Variants in UNC5C observed in about 807,000 individuals in gnomAD.
UNC5C encodes unc-5 netrin receptor C.
Under a neutral mutation model 99.8 loss-of-function variants are expected in UNC5C, and 47 were observed. That is an observed-to-expected ratio of 0.47 (90% confidence interval 0.37 to 0.60). The LOEUF (loss-of-function observed/expected upper bound fraction) is 0.60. UNC5C is among the 20% of genes least tolerant of loss of function. The pLI is 0.00. For missense variants in UNC5C, 1,062 were observed against 1,165.9 expected (o/e 0.91, Z 1.30); for synonymous variants, 487 against 452.2 (o/e 1.08, Z -0.98).
At chr4:95,530,191 T>G (rs1309922516) in intron 1 of UNC5C, among the ~76,000 whole-genome samples, 3 of 152,216 alleles carry the variant, frequency 2.0e-5, no homozygotes, top group Admixed American at 1.3e-4. Flanking sequence ...TTCTGACATA[T>G]AACTATTGTG....
At chr4:95,270,768 A>C (rs1312977552) in intron 4 of UNC5C, among the ~76,000 whole-genome samples, 1 of 152,246 alleles carries the variant, frequency 6.6e-6, no homozygotes, top group Non-Finnish European at 1.5e-5. Context: ...TAATAACACC[A>C]TCCAAGGGAA....
At chr4:95,241,714 C>T (rs1206326650) in intron 7 of UNC5C, among the ~76,000 whole-genome samples, 3 of 151,880 alleles carry the variant, frequency 2.0e-5, no homozygotes, top group Non-Finnish European at 4.4e-5. Flanking sequence ...GAGGGCTCCT[C>T]AATAAAGGGG....
At chr4:95,408,850 T>G (rs1174507940) in intron 1 of UNC5C, among the ~76,000 whole-genome samples, 1 of 152,144 alleles carries the variant, frequency 6.6e-6, no homozygotes, top group Non-Finnish European at 1.5e-5. Context: ...AAGTATAACA[T>G]GGAATAACCT....
intron 1 of UNC5C, among the ~76,000 whole-genome samples, chr4:95,455,843 C>T (rs1214322388): frequency 3.3e-5 from 5 of 152,058 alleles, no homozygotes; most frequent in South Asian, 2.1e-4. Context: ...ATTTAGACTA[C>T]ATCCACCATG....
At chr4:95,530,600 T>A (rs959440170) in intron 1 of UNC5C, among the ~76,000 whole-genome samples, 18 of 152,172 alleles carry the variant, frequency 1.2e-4, no homozygotes, top group African/African-American at 3.6e-4. Context: ...TTGAGAGAAA[T>A]ATTGAAGTAT....
At chr4:95,242,128 T>G (rs1199143438) in intron 7 of UNC5C, among the ~76,000 whole-genome samples, 2 of 152,152 alleles carry the variant, frequency 1.3e-5, no homozygotes, top group African/African-American at 4.8e-5. Context: ...GAGTTTAGAG[T>G]GCTCTTTTGT....
chr4:95,348,981 G>A (rs1743882500), intron 1 of UNC5C, among the ~76,000 whole-genome samples: 1 of 140,818 alleles, frequency 7.1e-6, no homozygotes, highest in Non-Finnish European at 1.5e-5. Flanking sequence ...AGGGTAGTGA[G>A]AGGGAGGGCG....
At chr4:95,236,861 T>C (rs1162582550) in intron 7 of UNC5C, among the ~76,000 whole-genome samples, 1 of 152,084 alleles carries the variant, frequency 6.6e-6, no homozygotes, top group Non-Finnish European at 1.5e-5. Flanking sequence ...GACTTTTGGG[T>C]TTTACATTTT....
chr4:95,288,738 T>G (rs1205347218), intron 3 of UNC5C, among the ~76,000 whole-genome samples: 1 of 152,170 alleles, frequency 6.6e-6, no homozygotes, highest in Non-Finnish European at 1.5e-5. Flanking sequence ...CCCTCTAATC[T>G]CTACCTCTGT....
At chr4:95,537,024 G>A (rs1357609566) in intron 1 of UNC5C, among the ~76,000 whole-genome samples, 1 of 152,038 alleles carries the variant, frequency 6.6e-6, no homozygotes. Context: ...ATTAACATAG[G>A]GGGAAATCTC....
chr4:95,209,352 C>A (rs1165437675), intron 10 of UNC5C, among the ~76,000 whole-genome samples: 1 of 152,188 alleles, frequency 6.6e-6, no homozygotes, highest in Non-Finnish European at 1.5e-5. Flanking sequence ...AGAGCTTCCA[C>A]AGTTGACTAT....
intron 1 of UNC5C, among the ~76,000 whole-genome samples, chr4:95,445,856 G>A (rs992234178): frequency 2.6e-5 from 4 of 152,048 alleles, no homozygotes; most frequent in Non-Finnish European, 4.4e-5. Context: ...GTGCTGGAGC[G>A]GAGGAGAGGG....
At chr4:95,484,050 A>T (rs925763991) in intron 1 of UNC5C, among the ~76,000 whole-genome samples, 5 of 151,814 alleles carry the variant, frequency 3.3e-5, no homozygotes, top group Non-Finnish European at 7.4e-5. Context: ...CAAACAATCA[A>T]CAAAAATATT....
chr4:95,305,709 T>C (rs993214528), intron 2 of UNC5C, among the ~76,000 whole-genome samples: 5 of 152,204 alleles, frequency 3.3e-5, no homozygotes, highest in Admixed American at 1.3e-4. Flanking sequence ...GTTTTTATAA[T>C]AGGATTTGTT....
chr4:95,433,980 T>C (rs1384098997), intron 1 of UNC5C, among the ~76,000 whole-genome samples: 1 of 152,082 alleles, frequency 6.6e-6, no homozygotes, highest in Non-Finnish European at 1.5e-5. Context: ...AAATATCACT[T>C]CCTTAAAAAT....
At chr4:95,177,159 A>G (rs1426256935) in intron 14 of UNC5C, among the ~76,000 whole-genome samples, 2 of 152,192 alleles carry the variant, frequency 1.3e-5, no homozygotes, top group Non-Finnish European at 2.9e-5. Context: ...CCCTAGTGAG[A>G]TGAACCCGGT....
At position 95,291,986 on chromosome 4, in the gene UNC5C, G is replaced by A. The variant is rs919863702; in HGVS notation, c.490+9620C>T. On this transcript the variant is annotated intron_variant, in intron 3 of 15. Coordinates refer to ENST00000453304, the MANE Select transcript of UNC5C (RefSeq NM_003728.4). The stretch of plus-strand genomic sequence containing the variant: ...AATCCTGCCAGTACATTTGGTGTTA[G>A]GCTACTAGAACTGTTTATAGTATGA... Among the ~76,000 whole-genome samples the A allele has an allele frequency of 6.6e-5, 10 of 151,808 alleles. 1 individual carries two copies. Among genetic ancestry groups the A allele is most frequent in the African/African-American group, 1.9e-4 (8 of 41,422 alleles).
chr4:95,404,250 A>C (rs79800390), intron 1 of UNC5C, among the ~76,000 whole-genome samples: 3,622 of 152,300 alleles, frequency 0.024, 154 homozygotes, highest in African/African-American at 0.082. Flanking sequence ...TTTTTGGACA[A>C]AACTACCCAA....
chr4:95,429,314 GC>G (rs1167957471), intron 1 of UNC5C, among the ~76,000 whole-genome samples: 1 of 143,136 alleles, frequency 7.0e-6, no homozygotes, highest in East Asian at 2.0e-4. Context: ...AAAAAAACAA[GC>G]CAACAAATTG....
Sources: gnomAD v4.1 joint callset for allele counts (sites outside exome capture counted in the v4.1 genomes callset) on GRCh38, gnomAD v4.1.1 for gene constraint, MANE v1.5 for transcripts, NCBI Gene and HGNC (gene_info 2026-07-23, HGNC 2026-07-21) for gene names.